RNF169: variants seen among roughly 807,000 people sequenced by gnomAD.
The protein encoded by RNF169 is ring finger protein 169.
RNF169 carries 24 observed loss-of-function variants against 53.9 expected under a neutral mutation model. That is an observed-to-expected ratio of 0.45 (90% CI 0.32 to 0.63). The LOEUF (loss-of-function observed/expected upper bound fraction) is 0.63, where lower values mean the gene tolerates loss of function less well. Among genes scored for constraint, RNF169 ranks in the 20% least tolerant of loss-of-function variants. RNF169 has a pLI of 0.04. For synonymous variants in RNF169, 396 were observed against 363.5 expected (o/e 1.09, Z -1.02); for missense variants, 883 against 906.2 (o/e 0.97, Z 0.33).
At chr11:74,761,941 C>CA (rs1196238964) in intron 1 of RNF169, among the ~76,000 whole-genome samples, 2 of 149,582 alleles carry the variant, frequency 1.3e-5, no homozygotes, top group East Asian at 2.0e-4. Context: ...TCAGGTATAC[C>CA]AATCAGACGT....
chr11:74,827,159 G>A (rs1044058482), intron 4 of RNF169, among the ~76,000 whole-genome samples: 1 of 152,150 alleles, frequency 6.6e-6, no homozygotes, highest in African/African-American at 2.4e-5. Context: ...CTAGGTGAAG[G>A]TTCCCAACCC....
At chr11:74,786,667 A>G (rs935310828) in intron 1 of RNF169, among the ~76,000 whole-genome samples, 1 of 152,202 alleles carries the variant, frequency 6.6e-6, no homozygotes, top group Non-Finnish European at 1.5e-5. Context: ...TACTCAGTAA[A>G]TTCTGCTGCA....
At chr11:74,785,172 TGA>T (rs2035472524) in intron 1 of RNF169, among the ~76,000 whole-genome samples, 1 of 66,130 alleles carries the variant, frequency 1.5e-5, no homozygotes, top group Admixed American at 1.4e-4. Flanking sequence ...TATATATATA[TGA>T]TATATATATA....
Position 74,817,698 on chromosome 11 carries a change from T to A in RNF169, c.826T>A (p.Leu276Ile). 6.2e-7 allele frequency: 1 copy of A among 1,609,708 alleles called. No homozygotes were observed. Among genetic ancestry groups the A allele is most frequent in the East Asian group, 2.2e-5 (1 of 44,862 alleles). The change falls in exon 4 of 6, where the codon TTA becomes ATA. Residue 276 changes from leucine to isoleucine, a missense_variant. By Grantham distance (5) the Leu-to-Ile change is conservative. Coordinates refer to ENST00000299563, the MANE Select transcript of RNF169 (RefSeq NM_001098638.2). ...AFVSKNNSYS[L>I]AFLAGKLNSK... is the part of the protein sequence containing the mutation. ...TGTTTCCAAGAACAACTCCTACTCC[T>A]TAGCTTTCCTGGCAGGGTAAGAGAC...
chr11:74,750,215 C>G (rs918459099), intron 1 of RNF169, among the ~76,000 whole-genome samples: 1 of 152,162 alleles, frequency 6.6e-6, no homozygotes, highest in Non-Finnish European at 1.5e-5. Context: ...ATGCAAAGTG[C>G]CCTGTATAAA....
rs1338508011 is a variant in RNF169, at chr11:74,749,040, T to TTGC, written c.164_166dup (p.Leu55dup). ...TTCGCTGTTGGTGTTGTCGCCGCCG[T>TTGC]TGCTGCAGCCGCCGCTGCCGCCGCG... On this transcript the variant is annotated inframe_insertion, in exon 1 of 6. Coordinates refer to ENST00000299563, the MANE Select transcript of RNF169 (RefSeq NM_001098638.2). The TTGC allele has an allele frequency of 6.8e-7, 1 of 1,471,582 alleles. No homozygotes were observed. Among genetic ancestry groups the TTGC allele is most frequent in the South Asian group, 1.3e-5 (1 of 77,148 alleles). The allele number at this position is 1,471,582 out of a possible 1,614,324, so 91.2% of individuals were successfully genotyped here. A position where few individuals can be genotyped will look rare whatever the true frequency, so the allele number is the denominator to read the frequency against.
chr11:74,793,794 T>C (rs1430499417), intron 2 of RNF169, among the ~76,000 whole-genome samples: 1 of 152,218 alleles, frequency 6.6e-6, no homozygotes, highest in African/African-American at 2.4e-5. Context: ...AGTTGTCTTT[T>C]TTTAACATAA....
intron 1 of RNF169, among the ~76,000 whole-genome samples, chr11:74,783,774 A>G (rs2035450698): frequency 6.6e-6 from 1 of 152,198 alleles, no homozygotes; most frequent in South Asian, 2.1e-4. Context: ...GGAAGCTGAC[A>G]TGTGACCCCA....
chr11:74,813,550 C>T (rs1274157848), intron 3 of RNF169, among the ~76,000 whole-genome samples: 1 of 152,120 alleles, frequency 6.6e-6, no homozygotes, highest in Non-Finnish European at 1.5e-5. Context: ...TAGAAATGAG[C>T]CCTATAAACG....
Position 74,836,404 on chromosome 11 carries a change from C to T in RNF169, c.1801C>T (p.Leu601=). Residue 601 remains leucine (L), a synonymous_variant, in exon 6 of 6, where the codon CTG becomes TTG. Transcript: ENST00000299563. ...QQLKTLNHFD[L]TNGVLVESLS... ...ATTGAAGACATTAAATCATTTTGAT[C>T]TGACTAATGGTGTTCTAGTTGAGAG... The T allele has an allele frequency of 6.2e-7, 1 of 1,614,170 alleles. No homozygotes were observed. The highest frequency in any genetic ancestry group is 8.5e-7 in the Non-Finnish European group (1 of 1,180,020).
At chr11:74,820,957 G>A (rs1312086748) in intron 4 of RNF169, among the ~76,000 whole-genome samples, 1 of 152,150 alleles carries the variant, frequency 6.6e-6, no homozygotes, top group East Asian at 1.9e-4. Flanking sequence ...TGCAAAATGT[G>A]TGACATCACT....
chr11:74,806,917 T>C (rs1316721257), intron 2 of RNF169, among the ~76,000 whole-genome samples: 2 of 152,116 alleles, frequency 1.3e-5, no homozygotes, highest in African/African-American at 4.8e-5. Context: ...TCTGTGTGTA[T>C]ATTATGCTTT....
At chr11:74,834,059 A>G (rs1015635483) in intron 4 of RNF169, among the ~76,000 whole-genome samples, 9 of 152,178 alleles carry the variant, frequency 5.9e-5, no homozygotes, top group Admixed American at 1.3e-4. Context: ...AGTGTAGTGG[A>G]CTTCAGTATA....
intron 1 of RNF169, among the ~76,000 whole-genome samples, chr11:74,778,630 G>A (rs1434812788): frequency 1.3e-5 from 2 of 152,144 alleles, no homozygotes; most frequent in African/African-American, 4.8e-5. Context: ...CGGGCTGGGC[G>A]GGAGAACTGC....
intron 1 of RNF169, among the ~76,000 whole-genome samples, chr11:74,769,325 A>C (rs2035224609): frequency 6.6e-6 from 1 of 152,240 alleles, no homozygotes. Context: ...ATGCCATCAG[A>C]CTGCTATAAT....
In RNF169 at chr11:74,836,940, C is replaced by A; in HGVS notation, c.*210C>A. The A allele has an allele frequency of 2.0e-6, 1 of 494,780 alleles. No individual in the cohort carries two copies. The highest frequency in any genetic ancestry group is 3.6e-6 in the Non-Finnish European group (1 of 280,626). The allele number at this position is 494,780 out of a possible 1,614,324, so 30.6% of individuals were successfully genotyped here. A position where few individuals can be genotyped will look rare whatever the true frequency, so the allele number is the denominator to read the frequency against. The stretch of plus-strand genomic sequence containing the variant: ...GGCCAGAAGCCTGAGTGACCCATCC[C>A]TAAGGGCTTCTGGGCCAAACCTGGC... On this transcript the variant is annotated 3_prime_UTR_variant, in exon 6 of 6. Transcript: ENST00000299563.
At chr11:74,797,337 G>A (rs1226330859) in intron 2 of RNF169, among the ~76,000 whole-genome samples, 2 of 152,134 alleles carry the variant, frequency 1.3e-5, no homozygotes, top group East Asian at 3.8e-4. Flanking sequence ...ATTTGGCTGT[G>A]TAGTGTATCA....
intron 2 of RNF169, among the ~76,000 whole-genome samples, chr11:74,792,258 C>G (rs970323809): frequency 3.3e-5 from 5 of 152,048 alleles, no homozygotes; most frequent in Non-Finnish European, 5.9e-5. Context: ...TCAGAATGTA[C>G]ACATACAATA....
At chr11:74,832,864 TTC>T (rs1395084468) in intron 4 of RNF169, among the ~76,000 whole-genome samples, 2 of 152,190 alleles carry the variant, frequency 1.3e-5, no homozygotes, top group East Asian at 1.9e-4. Flanking sequence ...CACTGACAGT[TTC>T]TGTGACTTCT....
Sources: gnomAD v4.1 joint callset for allele counts (sites outside exome capture counted in the v4.1 genomes callset) on GRCh38, gnomAD v4.1.1 for gene constraint, MANE v1.5 for transcripts, NCBI Gene and HGNC (gene_info 2026-07-23, HGNC 2026-07-21) for gene names.